The following KIF4A variants were observed in gnomAD, a reference collection of about 807,000 sequenced individuals.
KIF4A encodes the protein kinesin family member 4A.
KIF4A carries 7 observed loss-of-function variants against 105.9 expected under a neutral mutation model. That is an observed-to-expected ratio of 0.07 (90% CI 0.04 to 0.12). The LOEUF (loss-of-function observed/expected upper bound fraction) is 0.12, where lower values mean the gene tolerates loss of function less well. Among genes scored for constraint, KIF4A ranks in the 10% least tolerant of loss-of-function variants. The pLI is 1.00. For synonymous variants in KIF4A, 281 were observed against 331.3 expected (o/e 0.85, Z 1.65); for missense variants, 558 against 929.2 (o/e 0.60, Z 5.19).
rs1391886320 is a variant in KIF4A at position 70,375,220 on chromosome X, C to T, written c.1795C>T (p.Arg599Cys). Residue 599 changes from arginine to cysteine, a missense_variant, in exon 17 of 31, where the codon CGC (arginine) becomes TGC (cysteine). By Grantham distance (180) the Arg-to-Cys change is radical. Around this residue, in one of 2 missense-constraint regions of KIF4A, gnomAD observed 469 missense variants for 680.4 expected, o/e 0.69. Coordinates refer to ENST00000374403, the MANE Select transcript of KIF4A (RefSeq NM_012310.5). ...TGTGTTTAGGTTGAGTGAGCGCCGCCGCAAACGTCTCCAGGAGCTGGAGGG... is the reference window on the plus strand; with the variant it reads ...TGTGTTTAGGTTGAGTGAGCGCCGCTGCAAACGTCTCCAGGAGCTGGAGGG... ...ANQAKLSERRRKRLQELEGQI... is the reference protein window; with the variant it reads ...ANQAKLSERRCKRLQELEGQI... The T allele has an allele frequency of 6.6e-6, 8 of 1,210,655 alleles. No homozygotes were observed. The highest frequency in any genetic ancestry group is 8.9e-6 in the Non-Finnish European group (8 of 895,383).
intron 28 of KIF4A, among the ~76,000 whole-genome samples, chrX:70,413,275 A>C (rs1292901983): frequency 2.7e-5 from 3 of 112,087 alleles, no homozygotes; most frequent in Non-Finnish European, 5.6e-5. Flanking sequence ...GATAGTGATG[A>C]GTGAAAAAGA....
intron 7 of KIF4A, among the ~76,000 whole-genome samples, chrX:70,322,330 G>C (rs1022278107): frequency 8.6e-5 from 9 of 104,693 alleles, no homozygotes; most frequent in Admixed American, 1.0e-4. Flanking sequence ...ATTTATTTTT[G>C]AGACAGAGTC....
chrX:70,336,185 G>A (rs868127442), intron 10 of KIF4A, among the ~76,000 whole-genome samples: 18 of 111,789 alleles, frequency 1.6e-4, no homozygotes, highest in Middle Eastern at 9.1e-3. Context: ...GAAGTCTTCC[G>A]CATTCTTTTT....
intron 18 of KIF4A, 78 bp downstream of exon 18, chrX:70,376,288 C>A: frequency 1.8e-6 from 1 of 541,410 alleles, no homozygotes; most frequent in Non-Finnish European, 3.1e-6. Context: ...TGCTTCTCTT[C>A]AAACACCTCG....
chrX:70,385,000 G>A lies in KIF4A; in HGVS notation c.2035-1618G>A, dbSNP rs775806064. Among the ~76,000 whole-genome samples the A allele has an allele frequency of 1.1e-3, 119 of 109,204 alleles. 1 individual carries two copies. The highest frequency in any genetic ancestry group is 2.7e-4 in the Non-Finnish European group (14 of 52,453). The allele number at this position is 109,204 out of a possible 115,157, so 94.8% of individuals were successfully genotyped here. A position where few individuals can be genotyped will look rare whatever the true frequency, so the allele number is the denominator to read the frequency against. On this transcript the variant is annotated intron_variant, in intron 18 of 30. Transcript: ENST00000374403. Reference sequence around the variant, plus strand: ...GTATTTTTAGTAGAGACAGAGTTTCGCCATGTTGGCCAGGCTGGTCTTGAA... The same window carrying A: ...GTATTTTTAGTAGAGACAGAGTTTCACCATGTTGGCCAGGCTGGTCTTGAA...
At chrX:70,397,332 T>A (rs1260621026) in intron 22 of KIF4A, among the ~76,000 whole-genome samples, 1 of 110,340 alleles carries the variant, frequency 9.1e-6, no homozygotes, top group Admixed American at 9.6e-5. Context: ...ATCGTGCCAC[T>A]GCACTCCTGG....
chrX:70,388,800 G>A (rs1411678802), intron 20 of KIF4A, among the ~76,000 whole-genome samples: 1 of 112,152 alleles, frequency 8.9e-6, no homozygotes, highest in Non-Finnish European at 1.9e-5. Context: ...ATATTTAACA[G>A]AGGACTTCTG....
rs750813613 is a variant in KIF4A, at chrX:70,342,091, G to T, written c.1266+160G>T. Reference sequence around the variant, plus strand: ...GAGCCCCTCTGGGGTAAATATGTGGGCTTATAATCAAACATACAGAAAAGT... The same window carrying T: ...GAGCCCCTCTGGGGTAAATATGTGGTCTTATAATCAAACATACAGAAAAGT... On this transcript the variant is annotated intron_variant, in intron 11 of 30. Transcript: ENST00000374403. Among the ~76,000 whole-genome samples the T allele has an allele frequency of 8.1e-4, 91 of 112,544 alleles. 1 individual carries two copies. The highest frequency in any genetic ancestry group is 9.2e-3 in the Middle Eastern group (2 of 217).
chrX:70,326,545 T>A (rs1476878516), intron 7 of KIF4A, among the ~76,000 whole-genome samples: 3 of 112,508 alleles, frequency 2.7e-5, no homozygotes, highest in Non-Finnish European at 5.6e-5. Flanking sequence ...GAAGTTATAT[T>A]TCTCTTTTAA....
intron 28 of KIF4A, among the ~76,000 whole-genome samples, chrX:70,413,756 C>G (rs996631723): frequency 1.8e-5 from 2 of 110,595 alleles, no homozygotes; most frequent in Non-Finnish European, 3.8e-5. Flanking sequence ...GGCTGGGCAA[C>G]GTAGCGAGAC....
intron 7 of KIF4A, among the ~76,000 whole-genome samples, chrX:70,323,092 G>A (rs780654830): frequency 4.5e-5 from 5 of 110,176 alleles, no homozygotes; most frequent in Non-Finnish European, 9.5e-5. Context: ...AGTGTGCCTC[G>A]TACTCTCTCA....
At chrX:70,375,440 G>GA in intron 17 of KIF4A, 92 bp downstream of exon 17, 1 of 874,482 alleles carries the variant, frequency 1.1e-6, no homozygotes, top group Non-Finnish European at 1.6e-6. Flanking sequence ...TTTCAGGTGA[G>GA]AAAATAGCAG....
intron 20 of KIF4A, among the ~76,000 whole-genome samples, chrX:70,389,266 A>G (rs1006732389): frequency 9.1e-6 from 1 of 110,408 alleles, no homozygotes; most frequent in African/African-American, 3.3e-5. Flanking sequence ...AAAAAAATTT[A>G]AAACAGAAAT....
intron 26 of KIF4A, 79 bp downstream of exon 26, chrX:70,405,984 A>G (rs1183812278): frequency 5.1e-6 from 4 of 779,115 alleles, no homozygotes; most frequent in African/African-American, 4.2e-5. Context: ...ACCAACCCCC[A>G]TTGTGGTGAC....
At chrX:70,295,502 G>C (rs982886533) in intron 3 of KIF4A, among the ~76,000 whole-genome samples, 3 of 110,667 alleles carry the variant, frequency 2.7e-5, no homozygotes, top group Admixed American at 9.6e-5. Flanking sequence ...TATATTTTAT[G>C]GGTCTTTCTG....
At chrX:70,367,666 C>T (rs988447229) in intron 15 of KIF4A, among the ~76,000 whole-genome samples, 2 of 111,886 alleles carry the variant, frequency 1.8e-5, no homozygotes, top group Non-Finnish European at 3.8e-5. Flanking sequence ...CGACCTTTCT[C>T]TCTGGCTGCC....
chrX:70,398,928 C>T (rs1436696968), intron 22 of KIF4A, among the ~76,000 whole-genome samples: 1 of 111,804 alleles, frequency 8.9e-6, no homozygotes, highest in East Asian at 2.8e-4. Context: ...GGCTAAAGTG[C>T]TGACACCCTA....
intron 18 of KIF4A, among the ~76,000 whole-genome samples, chrX:70,382,243 A>G (rs1235484814): frequency 3.6e-5 from 4 of 111,943 alleles, no homozygotes; most frequent in Non-Finnish European, 7.5e-5. Flanking sequence ...CACCTGGCCA[A>G]CATGGTGAAA....
intron 16 of KIF4A, among the ~76,000 whole-genome samples, chrX:70,374,474 CAAAT>C (rs902280539): frequency 9.0e-6 from 1 of 111,708 alleles, no homozygotes; most frequent in African/African-American, 3.2e-5. Flanking sequence ...GATTAGTAGC[CAAAT>C]AAATTTCTTA....
Sources: gnomAD v4.1 joint callset for allele counts (sites outside exome capture counted in the v4.1 genomes callset) on GRCh38, gnomAD v4.1.1 for gene constraint, gnomAD v4.1.1 regional missense constraint, MANE v1.5 for transcripts, NCBI Gene and HGNC (gene_info 2026-07-23, HGNC 2026-07-21) for gene names.